FLT3LG: variants seen among roughly 807,000 people sequenced by gnomAD.
FLT3LG encodes the protein fms-related tyrosine kinase 3 ligand.
A neutral mutation model predicts 30.9 loss-of-function variants in FLT3LG; 8 were observed. The observed-to-expected ratio is 0.26, with a 90% confidence interval of 0.15 to 0.47. The LOEUF is 0.47. FLT3LG is among the 20% of genes least tolerant of loss of function. The pLI, the probability that FLT3LG is intolerant of heterozygous loss-of-function variation, is 0.99. For synonymous variants in FLT3LG, 123 were observed against 135.9 expected, an observed-to-expected ratio of 0.91 and a Z score of 0.66; for missense variants, 278 against 306.2, an observed-to-expected ratio of 0.91 and a Z score of 0.69.
rs1353946681 is a variant in FLT3LG, at chr19:49,476,909, G to A, written c.342+343G>A. ...CTCCTGTAATCCTAGCACTTTGGGAGGCTGAGGTGGGCGGATCACTTGAGG... is the reference window on the plus strand; with the variant it reads ...CTCCTGTAATCCTAGCACTTTGGGAAGCTGAGGTGGGCGGATCACTTGAGG... On this transcript the variant is annotated intron_variant, in intron 5 of 8. Transcript: ENST00000597551. The surrounding 1 kb of genome is among the most constrained non-coding windows in gnomAD (Gnocchi z 5.3). Among the ~76,000 whole-genome samples, 1 of 152,158 alleles carries A rather than the reference G, an allele frequency of 6.6e-6. No homozygotes were observed. The highest frequency in any genetic ancestry group is 2.4e-5 in the African/African-American group (1 of 41,430).
chr19:49,485,520 C>A (rs1005620113), intron 8 of FLT3LG, among the ~76,000 whole-genome samples: 1 of 152,126 alleles, frequency 6.6e-6, no homozygotes, highest in African/African-American at 2.4e-5. Context: ...CCTCCGCCTC[C>A]CGGGTTCAAG....
chr19:49,474,815 G>A, intron 2 of FLT3LG, 143 bp downstream of exon 2: 1 of 878,752 alleles, frequency 1.1e-6, no homozygotes, highest in Non-Finnish European at 1.8e-6. Context: ...GAGGGGAGAT[G>A]GATAGGAGAG....
chr19:49,477,972 G>A (rs1233561822), intron 5 of FLT3LG, among the ~76,000 whole-genome samples: 2 of 151,834 alleles, frequency 1.3e-5, no homozygotes, highest in Non-Finnish European at 2.9e-5. Context: ...GAACCCGGGA[G>A]GTAGAAGTTG....
At position 49,484,335 on chromosome 19, in the gene FLT3LG, G is replaced by C. The variant is rs367602618; in HGVS notation, c.*22-1680G>C. 5.8e-3 allele frequency among the ~76,000 whole-genome samples: 619 copies of C among 106,216 alleles called. 2 individuals carry two copies. The highest frequency in any genetic ancestry group is 0.024 in the African/African-American group (596 of 25,026). 69.7% of individuals were successfully genotyped at this position (106,216 alleles called of 152,430 possible). On this transcript the variant is annotated intron_variant, in intron 8 of 8. Coordinates refer to ENST00000597551, the MANE Select transcript of FLT3LG (RefSeq NM_001459.4). ...GTGAGACAGACTTTTGCTCTTGTTA[G>C]CCAGGCTGGAGTGCAGTGGTGCTAT...
intron 2 of FLT3LG, among the ~76,000 whole-genome samples, chr19:49,475,258 G>A (rs938223236): frequency 3.8e-5 from 5 of 130,508 alleles, no homozygotes; most frequent in African/African-American, 1.4e-4. Flanking sequence ...GGACAGAAAA[G>A]GGGGGAGATG....
chr19:49,479,665 C>A, intron 6 of FLT3LG: 1 of 207,754 alleles, frequency 4.8e-6, no homozygotes, highest in South Asian at 3.9e-5. Flanking sequence ...CCTCACGCGG[C>A]TAATTTTTTT....
Position 49,474,340 on chromosome 19 carries a change from T to C in FLT3LG, c.-38+59T>C, listed in dbSNP as rs540199440. The C allele has an allele frequency of 1.2e-3, 678 of 551,904 alleles. 2 individuals are homozygous for C. The highest frequency in any genetic ancestry group is 0.011 in the African/African-American group (605 of 52,892). 34.2% of individuals were successfully genotyped at this position (551,904 alleles called of 1,614,324 possible). A position where few individuals can be genotyped will look rare whatever the true frequency, so the allele number is the denominator to read the frequency against. Reference sequence around the variant, plus strand: ...GGGGCGGAGCCAGGGTCCCCACTCCTGGGGCAGGGGGAGCAGAGGGTGGGG... The same window carrying C: ...GGGGCGGAGCCAGGGTCCCCACTCCCGGGGCAGGGGGAGCAGAGGGTGGGG... On this transcript the variant is annotated intron_variant, in intron 1 of 8. Coordinates refer to ENST00000597551, the MANE Select transcript of FLT3LG (RefSeq NM_001459.4).
At chr19:49,480,759 C>A in intron 8 of FLT3LG, 139 bp downstream of exon 8, 2 of 837,226 alleles carry the variant, frequency 2.4e-6, no homozygotes, top group Non-Finnish European at 3.7e-6. Context: ...GGGCCAGGCG[C>A]GGTGGCTCAC....
In FLT3LG at chr19:49,480,318, C is replaced by G. The variant is rs200588899; in HGVS notation, c.502C>G (p.Pro168Ala). Residue 168 changes from proline to alanine, a missense_variant, in exon 7 of 9, where the codon CCA becomes GCA. Around this residue, in one of 3 missense-constraint regions of FLT3LG, gnomAD observed 170 missense variants for 162.0 expected, o/e 1.05. Coordinates refer to ENST00000597551, the MANE Select transcript of FLT3LG (RefSeq NM_001459.4). The stretch of plus-strand genomic sequence containing the variant: ...CCCAGACTCCTCAACCCTGCCACCC[C>G]CATGGAGTCCCCGGCCCCTGGAGGC... ...CQPDSSTLPP[P>A]WSPRPLEATA... 9.3e-5 allele frequency: 150 copies of G among 1,606,030 alleles called. No homozygotes were observed. In the East Asian group the frequency reaches 3.1e-3, roughly 33 times the overall value.
chr19:49,485,175 T>A (rs555250931), intron 8 of FLT3LG, among the ~76,000 whole-genome samples: 216 of 104,448 alleles, frequency 2.1e-3, no homozygotes, highest in African/African-American at 0.012. Context: ...TCTCAAGTGT[T>A]CAGTATTCAC....
chr19:49,480,891 G>A, intron 8 of FLT3LG: 1 of 421,076 alleles, frequency 2.4e-6, no homozygotes, highest in Non-Finnish European at 4.4e-6. Context: ...AATTAACTGG[G>A]CATAGTGGTG....
intron 2 of FLT3LG, 119 bp from the exon 3 acceptor site, chr19:49,475,572 G>A: frequency 7.6e-7 from 1 of 1,321,506 alleles, no homozygotes; most frequent in Non-Finnish European, 1.0e-6. Flanking sequence ...TGTGGAAGAG[G>A]CAGAAGGACA....
Position 49,476,611 on chromosome 19 carries a change from T to C in FLT3LG, c.342+45T>C, listed in dbSNP as rs1251233035. Reference sequence around the variant, plus strand: ...GACAAGTGAGGGGAGGGAGATGCCTTCCTACGAATTAGAAGTAAAGCTCCA... The same window carrying C: ...GACAAGTGAGGGGAGGGAGATGCCTCCCTACGAATTAGAAGTAAAGCTCCA... On this transcript the variant is annotated intron_variant, in intron 5 of 8. Coordinates refer to ENST00000597551, the MANE Select transcript of FLT3LG (RefSeq NM_001459.4). This position sits in a 1 kb window ranked among gnomAD's most constrained non-coding sequence, Gnocchi z 5.3. The C allele has an allele frequency of 6.2e-7, 1 of 1,611,442 alleles. No individual in the cohort carries two copies. Among genetic ancestry groups the C allele is most frequent in the Admixed American group, 1.7e-5 (1 of 59,280 alleles).
chr19:49,484,112 T>C (rs1601137321), intron 8 of FLT3LG, among the ~76,000 whole-genome samples: 1 of 150,652 alleles, frequency 6.6e-6, no homozygotes, highest in Non-Finnish European at 1.5e-5. Context: ...CTCGATCTCT[T>C]GACCTCGTGA....
intron 5 of FLT3LG, among the ~76,000 whole-genome samples, chr19:49,477,050 G>A (rs1295243390): frequency 3.3e-5 from 5 of 151,978 alleles, no homozygotes; most frequent in Non-Finnish European, 2.9e-5. Flanking sequence ...GCTTGAACCC[G>A]GGAGCCAGAG....
In FLT3LG at chr19:49,477,967, C is replaced by T. The variant is rs148341739; in HGVS notation, c.343-942C>T. 8.6e-3 allele frequency among the ~76,000 whole-genome samples: 1,299 copies of T among 151,412 alleles called. 12 individuals are homozygous for T. The highest frequency in any genetic ancestry group is 0.015 in the Admixed American group (228 of 15,202). On this transcript the variant is annotated intron_variant, in intron 5 of 8. Transcript: ENST00000597551. Reference sequence around the variant, plus strand: ...AGGCTGAGGCAGAATTCCTTGAACCCGGGAGGTAGAAGTTGCAGTAAGCCG... The same window carrying T: ...AGGCTGAGGCAGAATTCCTTGAACCTGGGAGGTAGAAGTTGCAGTAAGCCG...
Position 49,475,968 on chromosome 19 carries a change from G to T in FLT3LG, c.144+167G>T, listed in dbSNP as rs562653180. On this transcript the variant is annotated intron_variant, in intron 3 of 8. Coordinates refer to ENST00000597551, the MANE Select transcript of FLT3LG (RefSeq NM_001459.4). ...CCCAAAGTGCTGGAATTACAGGCGTGAGCCACTGTGCTTAGGGGTGTCATC... is the reference window on the plus strand; with the variant it reads ...CCCAAAGTGCTGGAATTACAGGCGTTAGCCACTGTGCTTAGGGGTGTCATC... 2.4e-3 allele frequency: 2,294 copies of T among 971,568 alleles called. 5 individuals carry two copies. The highest frequency in any genetic ancestry group is 3.1e-3 in the Non-Finnish European group (1,919 of 621,324). The allele number at this position is 971,568 out of a possible 1,614,324, so 60.2% of individuals were successfully genotyped here.
In FLT3LG at chr19:49,474,830, C is replaced by T. The variant is rs572861581; in HGVS notation, c.33+158C>T. The stretch of plus-strand genomic sequence containing the variant: ...GAGGGGAGATGGATAGGAGAGGAGA[C>T]GGACAGAGGAGGGGGAGATGGACAG... On this transcript the variant is annotated intron_variant, in intron 2 of 8. Transcript: ENST00000597551. Among the ~76,000 whole-genome samples, 16 of 114,978 alleles carry T rather than the reference C, an allele frequency of 1.4e-4. No individual in the cohort carries two copies. The South Asian group carries it at 4.3e-3, about 31-fold the overall frequency. 75.4% of individuals were successfully genotyped at this position (114,978 alleles called of 152,430 possible). A position where few individuals can be genotyped will look rare whatever the true frequency, so the allele number is the denominator to read the frequency against.
At position 49,474,751 on chromosome 19, in the gene FLT3LG, C is replaced by T. The variant is rs568707596; in HGVS notation, c.33+79C>T. On this transcript the variant is annotated intron_variant, in intron 2 of 8. Transcript: ENST00000597551. ...TGGGGCAGAGATGAGGGGAGATGGA[C>T]GGGAGAACAGATGGACAGATGACGA... 16 of 1,453,088 alleles carry T rather than the reference C, an allele frequency of 1.1e-5. 1 individual carries two copies. The highest frequency in any genetic ancestry group is 5.9e-5 in the South Asian group (5 of 84,044). The allele number at this position is 1,453,088 out of a possible 1,614,324, so 90.0% of individuals were successfully genotyped here. A position where few individuals can be genotyped will look rare whatever the true frequency, so the allele number is the denominator to read the frequency against.
Sources: allele counts gnomAD v4.1 joint callset (sites outside exome capture counted in the v4.1 genomes callset), GRCh38; gene constraint gnomAD v4.1.1; regional missense constraint gnomAD v4.1.1; non-coding constraint Gnocchi (gnomAD v3.1); transcripts MANE v1.5; gene names NCBI Gene and HGNC (gene_info 2026-07-23, HGNC 2026-07-21).